Variants in SLC18A2 observed in about 807,000 individuals in gnomAD.
The protein encoded by SLC18A2 is synaptic vesicular amine transporter.
SLC18A2 carries 33 observed loss-of-function variants against 59.2 expected under a neutral mutation model. The observed-to-expected ratio is 0.56, with a 90% CI of 0.42 to 0.75. The LOEUF (loss-of-function observed/expected upper bound fraction) is 0.75, where lower values mean the gene tolerates loss of function less well. SLC18A2 is among the 30% of genes least tolerant of loss of function. The pLI is 0.00. For synonymous variants in SLC18A2, 228 were observed against 253.5 expected (o/e 0.90, Z 0.95); for missense variants, 569 against 668.6 (o/e 0.85, Z 1.64).
intron 2 of SLC18A2, 173 bp downstream of exon 2, chr10:117,241,987 C>A (rs1182544128): frequency 1.0e-5 from 6 of 573,152 alleles, no homozygotes; most frequent in Non-Finnish European, 1.7e-5. Flanking sequence ...CTAGGAGGAG[C>A]CGCGTTGTGT....
intron 15 of SLC18A2, among the ~76,000 whole-genome samples, chr10:117,276,613 C>CAAAAAAAAAAAAAAAA (rs1161850365): frequency 2.1e-5 from 1 of 46,720 alleles, no homozygotes. Flanking sequence ...GACTTCATCT[C>CAAAAAAAAAAAAAAAA]AAAAAAAAAA....
chr10:117,243,221 T>G (rs1844074494), intron 2 of SLC18A2, among the ~76,000 whole-genome samples: 1 of 152,234 alleles, frequency 6.6e-6, no homozygotes, highest in Admixed American at 6.5e-5. Flanking sequence ...TCTGTTTCCT[T>G]GATTCATTCA....
intron 15 of SLC18A2, among the ~76,000 whole-genome samples, chr10:117,275,926 T>C (rs551525590): frequency 1.3e-5 from 2 of 152,114 alleles, no homozygotes; most frequent in East Asian, 1.9e-4. Context: ...GGAAATCACA[T>C]GTGTGAAAAA....
intron 3 of SLC18A2, among the ~76,000 whole-genome samples, chr10:117,249,551 C>T (rs961994499): frequency 2.6e-5 from 4 of 152,178 alleles, no homozygotes; most frequent in Admixed American, 6.5e-5. Context: ...TGTTGTCTCT[C>T]GTTGCATCTG....
chr10:117,275,532 C>T (rs955941789), intron 15 of SLC18A2, among the ~76,000 whole-genome samples: 4 of 152,140 alleles, frequency 2.6e-5, no homozygotes, highest in African/African-American at 7.2e-5. Context: ...TTGCACATGA[C>T]GCCCCCTTGC....
intron 6 of SLC18A2, 43 bp downstream of exon 6, chr10:117,254,540 G>A: frequency 1.4e-6 from 2 of 1,454,354 alleles, no homozygotes; most frequent in Non-Finnish European, 1.9e-6. Flanking sequence ...AGAGGGGCCT[G>A]CCTGGTGCTG....
chr10:117,272,277 TCC>T (rs1844436547), intron 15 of SLC18A2, among the ~76,000 whole-genome samples: 1 of 152,180 alleles, frequency 6.6e-6, no homozygotes, highest in Non-Finnish European at 1.5e-5. Flanking sequence ...CTGAATTTTC[TCC>T]CTTTTTCCTC....
At position 117,269,019 on chromosome 10, in the gene SLC18A2, C is replaced by T. The variant is rs989544490; in HGVS notation, c.1187-1052C>T. On this transcript the variant is annotated intron_variant, in intron 13 of 15. Transcript: ENST00000644641. The surrounding 1 kb of genome is among the most constrained non-coding windows in gnomAD (Gnocchi z 5.1). ...ACAAACACACATACACACACTGACA[C>T]ACGCATACACACACACATACACACA... Among the ~76,000 whole-genome samples, 1 of 151,704 alleles carries T rather than the reference C, an allele frequency of 6.6e-6. No individual in the cohort carries two copies. Among genetic ancestry groups the T allele is most frequent in the Non-Finnish European group, 1.5e-5 (1 of 67,938 alleles).
intron 3 of SLC18A2, among the ~76,000 whole-genome samples, chr10:117,249,264 A>T (rs1280714044): frequency 6.6e-6 from 1 of 152,220 alleles, no homozygotes; most frequent in African/African-American, 2.4e-5. Context: ...TGGAATTAGA[A>T]CATTCCTAGG....
intron 14 of SLC18A2, 27 bp from the exon 15 acceptor site, chr10:117,270,302 CT>C: frequency 5.6e-6 from 9 of 1,613,992 alleles, no homozygotes; most frequent in Non-Finnish European, 7.6e-6. Flanking sequence ...TTTGGAAGAG[CT>C]TTATCTAATT....
intron 3 of SLC18A2, among the ~76,000 whole-genome samples, chr10:117,246,659 TTC>T (rs1234642373): frequency 2.3e-4 from 34 of 149,520 alleles, no homozygotes; most frequent in African/African-American, 8.5e-4. Flanking sequence ...AAATTTTTTT[TTC>T]TTTTTTTTTG....
chr10:117,244,066 G>C lies in SLC18A2; in HGVS notation c.217G>C (p.Asp73His). The C allele has an allele frequency of 6.2e-7, 1 of 1,614,182 alleles. No homozygotes were observed. The highest frequency in any genetic ancestry group is 8.5e-7 in the Non-Finnish European group (1 of 1,180,044). ...GCCAGTGCACACTGCCTCCATCTCA[G>C]ACAGCTTCCAGAGCATCTTCTCCTA... ...ARPVHTASIS[D>H]SFQSIFSYYD... is the part of the protein sequence containing the mutation. Residue 73 changes from aspartate to histidine, a missense_variant, in exon 3 of 16, where the codon GAC becomes CAC. Around this residue, in one of 2 missense-constraint regions of SLC18A2, gnomAD observed 377 missense variants for 389.8 expected, o/e 0.97. Coordinates refer to ENST00000644641, the MANE Select transcript of SLC18A2 (RefSeq NM_003054.6).
rs1844088118 is a variant in SLC18A2, at chr10:117,244,301, T to A, written c.452T>A (p.Leu151Gln). 6.2e-7 allele frequency: 1 copy of A among 1,613,760 alleles called. No homozygotes were observed. The highest frequency in any genetic ancestry group is 1.3e-5 in the African/African-American group (1 of 75,050). Residue 151 changes from leucine (L) to glutamine (Q), a missense_variant, in exon 3 of 16, where the codon CTA (leucine) becomes CAA (glutamine). Leu to Gln is a moderately radical substitution (Grantham distance 113). This residue lies in a region of SLC18A2 where 377 missense variants were observed against 389.8 expected (regional missense o/e 0.97). Transcript: ENST00000644641. ...CTCATCACCAACCCTTTCATAGGACTACTGACCAACAGGTAGGGCAGACTA... is the reference window on the plus strand; with the variant it reads ...CTCATCACCAACCCTTTCATAGGACAACTGACCAACAGGTAGGGCAGACTA... ...VQLITNPFIG[L>Q]LTNRIGYPIP...
rs374876279 is a variant in SLC18A2 at position 117,257,866 on chromosome 10, C to T, written c.965C>T (p.Thr322Ile). 1 of 1,611,790 alleles carries T rather than the reference C, an allele frequency of 6.2e-7. No individual in the cohort carries two copies. Among genetic ancestry groups the T allele is most frequent in the South Asian group, 1.1e-5 (1 of 90,920 alleles). Residue 322 changes from threonine to isoleucine, a missense_variant, in exon 10 of 16, where the codon ACC becomes ATC. By Grantham distance (89) the Thr-to-Ile change is moderately conservative. This residue lies in a region of SLC18A2 where 192 missense variants were observed against 278.8 expected (regional missense o/e 0.69). Transcript: ENST00000644641. ...GCCCTGCCCATCTGGATGATGGAGA[C>T]CATGTGTTCCCGAAAGTGGCAGCTG... Reference protein sequence around the residue: ...EPALPIWMMETMCSRKWQLGV... With the variant: ...EPALPIWMMEIMCSRKWQLGV...
In SLC18A2 at chr10:117,254,408, T is replaced by A; in HGVS notation, c.611T>A (p.Met204Lys). ...IGSSCSSVAG[M>K]GMLASVYTDD... ...GACTATTTCTTTCCCTGTGTAGGGA[T>A]GGGCATGCTTGCCAGTGTCTACACA... Residue 204 changes from methionine to lysine, a missense_variant, in exon 6 of 16, where the codon ATG becomes AAG. Coordinates refer to ENST00000644641, the MANE Select transcript of SLC18A2 (RefSeq NM_003054.6). The A allele has an allele frequency of 6.3e-7, 1 of 1,587,224 alleles. No individual in the cohort carries two copies. The highest frequency in any genetic ancestry group is 8.6e-7 in the Non-Finnish European group (1 of 1,165,470).
chr10:117,259,105 G>C (rs1844261454), intron 10 of SLC18A2, among the ~76,000 whole-genome samples: 1 of 152,132 alleles, frequency 6.6e-6, no homozygotes, highest in African/African-American at 2.4e-5. Flanking sequence ...ACAGCTTCTT[G>C]TTAGACTGGC....
At position 117,241,678 on chromosome 10, in the gene SLC18A2, GC is replaced by G; in HGVS notation, c.-15del. ...GTCCTCACCGCGCACCGCGCCCGCA[GC>G]GGAGCCCCGGAGCCATGGCCCTGAG... On this transcript the variant is annotated splice_region_variant and 5_prime_UTR_variant, in exon 2 of 16. Coordinates refer to ENST00000644641, the MANE Select transcript of SLC18A2 (RefSeq NM_003054.6). 4 of 1,567,526 alleles carry G rather than the reference GC, an allele frequency of 2.6e-6. No individual in the cohort carries two copies. Among genetic ancestry groups the G allele is most frequent in the Non-Finnish European group, 3.5e-6 (4 of 1,159,120 alleles).
chr10:117,268,011 G>C, intron 13 of SLC18A2: 1 of 353,966 alleles, frequency 2.8e-6, no homozygotes, highest in Non-Finnish European at 5.4e-6. Context: ...GCAAACAAAG[G>C]AATCCCTTGC....
chr10:117,271,385 G>T (rs1844423950), intron 15 of SLC18A2, among the ~76,000 whole-genome samples: 1 of 152,210 alleles, frequency 6.6e-6, no homozygotes, highest in South Asian at 2.1e-4. Context: ...GGCATTTCCT[G>T]AACTGCCCTT....
Sources: allele counts gnomAD v4.1 joint callset (sites outside exome capture counted in the v4.1 genomes callset), GRCh38; gene constraint gnomAD v4.1.1; regional missense constraint gnomAD v4.1.1; non-coding constraint Gnocchi (gnomAD v3.1); transcripts MANE v1.5; gene names NCBI Gene and HGNC (gene_info 2026-07-23, HGNC 2026-07-21).